The following MAPK10 variants were observed in gnomAD, a reference collection of about 807,000 sequenced individuals.
The protein encoded by MAPK10 is mitogen-activated protein kinase 10.
A neutral mutation model predicts 59.3 loss-of-function variants in MAPK10; 25 were observed. The ratio of observed to expected loss-of-function variants is 0.42; its 90% confidence interval spans 0.31 to 0.59. The LOEUF (loss-of-function observed/expected upper bound fraction) is 0.59. Among genes scored for constraint, MAPK10 ranks in the 20% least tolerant of loss-of-function variants. The pLI, the probability that MAPK10 is intolerant of heterozygous loss-of-function variation, is 0.15. For synonymous variants in MAPK10, 190 were observed against 200.5 expected, an observed-to-expected ratio of 0.95 and a Z score of 0.44; for missense variants, 351 against 568.9, an observed-to-expected ratio of 0.62 and a Z score of 3.90.
chr4:86,165,158 C>T (rs182462043), intron 3 of MAPK10, among the ~76,000 whole-genome samples: 9 of 152,070 alleles, frequency 5.9e-5, no homozygotes, highest in African/African-American at 1.7e-4. Flanking sequence ...ATTTGGATAC[C>T]GAAAACCAGT....
intron 4 of MAPK10, 113 bp from the exon 5 acceptor site, chr4:86,107,465 G>C: frequency 7.1e-7 from 1 of 1,405,370 alleles, no homozygotes; most frequent in South Asian, 1.8e-5. Context: ...CTTAGATACT[G>C]TCTACTCTGG....
intron 4 of MAPK10, among the ~76,000 whole-genome samples, chr4:86,139,051 G>T (rs934462541): frequency 9.8e-5 from 13 of 133,066 alleles, no homozygotes; most frequent in Non-Finnish European, 1.3e-4. Context: ...ACAAATGGAA[G>T]AACATTCCAT....
chr4:86,472,334 C>T lies in MAPK10; in HGVS notation c.-262-117690G>A, dbSNP rs543606255. 1.6e-4 allele frequency among the ~76,000 whole-genome samples: 24 copies of T among 151,858 alleles called. No individual in the cohort carries two copies. The South Asian group carries it at 4.0e-3, about 25-fold the overall frequency. ...ATCTTGTTAAGAGATCTTCAAATAC[C>T]GATGTGAATAATTATCCATTTGTGA... On this transcript the variant is annotated intron_variant, in intron 1 of 4. Coordinates refer to the MAPK10 transcript ENST00000502302.
chr4:86,362,227 G>T (rs111263966), upstream of MAPK10, among the ~76,000 whole-genome samples: 1,521 of 152,070 alleles, frequency 0.01, 19 homozygotes, highest in African/African-American at 0.035. Context: ...TAACATGAAT[G>T]AGGAAAAAAG....
intron 11 of MAPK10, among the ~76,000 whole-genome samples, chr4:86,059,563 T>C (rs1006232104): frequency 2.6e-5 from 4 of 152,206 alleles, no homozygotes; most frequent in African/African-American, 9.6e-5. Context: ...AAGATCATGT[T>C]GTTTAATTCA....
At chr4:86,248,112 AAAG>A (rs1428407699) in intron 2 of MAPK10, among the ~76,000 whole-genome samples, 1 of 152,200 alleles carries the variant, frequency 6.6e-6, no homozygotes, top group East Asian at 1.9e-4. Flanking sequence ...CAAAAAGCGC[AAAG>A]AAGTACTCAA....
At chr4:86,422,086 C>T (rs1746609583) in intron 1 of MAPK10, among the ~76,000 whole-genome samples, 2 of 152,162 alleles carry the variant, frequency 1.3e-5, no homozygotes, top group African/African-American at 4.8e-5. Context: ...ATGGCATTAC[C>T]TGTCTATTTC....
At chr4:86,127,079 T>C (rs932341306) in intron 4 of MAPK10, among the ~76,000 whole-genome samples, 1 of 152,052 alleles carries the variant, frequency 6.6e-6, no homozygotes, top group African/African-American at 2.4e-5. Flanking sequence ...CTGCACATTA[T>C]TTTGTGTTTG....
At chr4:86,173,123 T>C (rs1351424143) in intron 3 of MAPK10, among the ~76,000 whole-genome samples, 1 of 152,060 alleles carries the variant, frequency 6.6e-6, no homozygotes, top group African/African-American at 2.4e-5. Context: ...AAAACTAGTT[T>C]AAAATTCATA....
intron 1 of MAPK10, among the ~76,000 whole-genome samples, chr4:86,524,557 A>G (rs1757332804): frequency 6.6e-6 from 1 of 152,136 alleles, no homozygotes; most frequent in African/African-American, 2.4e-5. Flanking sequence ...CAAGTCTTCT[A>G]AAGAGTCTAC....
At chr4:86,151,233 C>T (rs2066393578) in intron 4 of MAPK10, among the ~76,000 whole-genome samples, 1 of 152,098 alleles carries the variant, frequency 6.6e-6, no homozygotes, top group Non-Finnish European at 1.5e-5. Flanking sequence ...GTTTACATGC[C>T]TGAGTCCATC....
chr4:86,330,077 G>A (rs2096118478), intron 2 of MAPK10, among the ~76,000 whole-genome samples: 1 of 152,270 alleles, frequency 6.6e-6, no homozygotes, highest in Non-Finnish European at 1.5e-5. Flanking sequence ...ACATGTGTCC[G>A]TATCCCTGAA....
intron 3 of MAPK10, among the ~76,000 whole-genome samples, chr4:86,182,199 G>T (rs1028876523): frequency 1.3e-5 from 2 of 151,290 alleles, no homozygotes; most frequent in African/African-American, 4.9e-5. Flanking sequence ...TACTTGGTTG[G>T]GTTAAAAAAA....
intron 2 of MAPK10, among the ~76,000 whole-genome samples, chr4:86,315,957 A>G (rs1318855385): frequency 6.6e-6 from 1 of 152,208 alleles, no homozygotes; most frequent in East Asian, 1.9e-4. Flanking sequence ...AAAGTTGTAT[A>G]CTTAAGACTC....
intron 1 of MAPK10, among the ~76,000 whole-genome samples, chr4:86,548,667 G>C (rs117162125): frequency 6.6e-6 from 1 of 152,240 alleles, no homozygotes; most frequent in East Asian, 1.9e-4. Context: ...ATGGAACCAT[G>C]AGCCAATTAA....
At chr4:86,413,632 C>G (rs1181711966) in intron 1 of MAPK10, among the ~76,000 whole-genome samples, 4 of 152,196 alleles carry the variant, frequency 2.6e-5, no homozygotes, top group Non-Finnish European at 4.4e-5. Flanking sequence ...GGCAGACACC[C>G]CTCCCCCTGT....
chr4:86,554,659 C>A (rs906442994), intron 1 of MAPK10, among the ~76,000 whole-genome samples: 1 of 152,200 alleles, frequency 6.6e-6, no homozygotes, highest in African/African-American at 2.4e-5. Context: ...GCCACATTGT[C>A]CTATCTGGTC....
At chr4:86,086,930 C>A (rs1297338254) in intron 9 of MAPK10, among the ~76,000 whole-genome samples, 1 of 152,122 alleles carries the variant, frequency 6.6e-6, no homozygotes, top group Non-Finnish European at 1.5e-5. Flanking sequence ...GATCAGAAGA[C>A]ATACTTTAGA....
intron 2 of MAPK10, among the ~76,000 whole-genome samples, chr4:86,201,481 G>A (rs2082609279): frequency 6.6e-6 from 1 of 151,726 alleles, no homozygotes; most frequent in South Asian, 2.1e-4. Context: ...TATCTTCCTT[G>A]GTGAAGTGCT....
Sources: allele counts gnomAD v4.1 joint callset (sites outside exome capture counted in the v4.1 genomes callset), GRCh38; gene constraint gnomAD v4.1.1; transcripts MANE v1.5; gene names NCBI Gene and HGNC (gene_info 2026-07-23, HGNC 2026-07-21).